Variants in LRRC37A2 observed in about 807,000 individuals in gnomAD.
LRRC37A2 encodes leucine rich repeat containing 37 member A2, also known as leucine-rich repeat-containing protein 37A2.
Under a neutral mutation model 68.8 loss-of-function variants are expected in LRRC37A2, and 9 were observed. The observed-to-expected ratio is 0.13, with a 90% confidence interval of 0.08 to 0.23. The LOEUF is 0.23. Among genes scored for constraint, LRRC37A2 ranks in the 10% least tolerant of loss-of-function variants. The probability of loss-of-function intolerance (pLI) is 1.00; values close to 1 mark genes in which losing one functional copy is unlikely to be tolerated. For synonymous variants in LRRC37A2, 63 were observed against 367.6 expected (o/e 0.17, Z 9.48); for missense variants, 168 against 950.4 (o/e 0.18, Z 10.82).
chr17:46,861,226 C>CA, the LRRC37A2 span, among the ~76,000 whole-genome samples: 7 of 152,242 alleles, frequency 4.6e-5, no homozygotes, highest in Non-Finnish European at 7.3e-5. Flanking sequence ...CTGTGTGTCT[C>CA]AAACTCTTGG....
At chr17:46,540,704 A>G (rs2055160433) in intron 7 of LRRC37A2, 103 bp from the exon 7 acceptor site, 1 of 1,330,370 alleles carries the variant, frequency 7.5e-7, no homozygotes, top group South Asian at 1.3e-5. Flanking sequence ...CAGCAAATAA[A>G]GTCTTGAGCT....
the LRRC37A2 span, among the ~76,000 whole-genome samples, chr17:46,826,776 C>G: frequency 7.5e-6 from 1 of 133,770 alleles, no homozygotes; most frequent in Non-Finnish European, 1.6e-5. Flanking sequence ...TGGCAATCAG[C>G]TGCTCTTTTT....
chr17:46,882,118 T>C, the LRRC37A2 span, among the ~76,000 whole-genome samples: 1 of 152,194 alleles, frequency 6.6e-6, no homozygotes, highest in Non-Finnish European at 1.5e-5. Context: ...ATTGCACCAC[T>C]GCCTTCCAGC....
At chr17:46,768,418 C>G in the LRRC37A2 span, 2 of 1,614,026 alleles carry the variant, frequency 1.2e-6, no homozygotes, top group Middle Eastern at 1.6e-4. The surrounding 1 kb of genome is among the most constrained non-coding windows in gnomAD (Gnocchi z 5.0). Context: ...TTCCGCTTCT[C>G]CGTCCTCGTG....
chr17:46,734,990 G>A, the LRRC37A2 span, among the ~76,000 whole-genome samples: 6 of 152,136 alleles, frequency 3.9e-5, no homozygotes, highest in East Asian at 5.8e-4. Context: ...GTTCAAGACC[G>A]CAGGAAGCTG....
At chr17:47,020,508 G>C in the LRRC37A2 span, among the ~76,000 whole-genome samples, 2 of 151,108 alleles carry the variant, frequency 1.3e-5, no homozygotes, top group Admixed American at 6.6e-5. Context: ...GGCTGGGTGT[G>C]GTGGCTCACG....
At chr17:46,781,189 G>A in the LRRC37A2 span, among the ~76,000 whole-genome samples, 1 of 150,876 alleles carries the variant, frequency 6.6e-6, no homozygotes, top group Non-Finnish European at 1.5e-5. Flanking sequence ...TTGCGCCACT[G>A]CACTCCAGCT....
chr17:46,979,276 TC>T, the LRRC37A2 span: 1 of 294,148 alleles, frequency 3.4e-6, no homozygotes. Context: ...CCCGCTGGGT[TC>T]CTCGCGCGCC....
chr17:46,946,000 T>A, the LRRC37A2 span, among the ~76,000 whole-genome samples: 4 of 152,150 alleles, frequency 2.6e-5, no homozygotes, highest in Non-Finnish European at 5.9e-5. Flanking sequence ...CAGCCTCTCT[T>A]ACCTCAATCC....
chr17:46,822,622 C>T, the LRRC37A2 span, among the ~76,000 whole-genome samples: 2 of 152,218 alleles, frequency 1.3e-5, no homozygotes, highest in Admixed American at 1.3e-4. Flanking sequence ...GTGAGCAGCC[C>T]GGATTTCGGA....
the LRRC37A2 span, among the ~76,000 whole-genome samples, chr17:46,988,638 C>T: frequency 2.0e-5 from 3 of 152,018 alleles, no homozygotes; most frequent in Non-Finnish European, 4.4e-5. Context: ...GCGGAGTGGT[C>T]AGGCCAAGGT....
chr17:46,817,840 A>AC, the LRRC37A2 span, among the ~76,000 whole-genome samples: 1 of 150,890 alleles, frequency 6.6e-6, no homozygotes, highest in Non-Finnish European at 1.5e-5. Flanking sequence ...TTTTCAAGGA[A>AC]CCCCCCTTTT....
chr17:46,763,937 G>C, the LRRC37A2 span: 1 of 151,860 alleles, frequency 6.6e-6, no homozygotes, highest in Non-Finnish European at 1.5e-5. Flanking sequence ...GTGCAGAACA[G>C]GGTTATAGAG....
chr17:46,830,685 C>T, the LRRC37A2 span: 1 of 398,588 alleles, frequency 2.5e-6, no homozygotes. Context: ...AAAGGTTGGA[C>T]TTTTGGGAGC....
the LRRC37A2 span, among the ~76,000 whole-genome samples, chr17:46,820,318 G>A: frequency 5.1e-3 from 781 of 152,300 alleles, 9 homozygotes; most frequent in African/African-American, 0.018. Context: ...TGGACTGGAG[G>A]GGGTGGGAGG....
chr17:46,944,241 A>G, the LRRC37A2 span, among the ~76,000 whole-genome samples: 1 of 152,216 alleles, frequency 6.6e-6, no homozygotes, highest in Admixed American at 6.5e-5. Flanking sequence ...AGTTGGAGAC[A>G]AGCAGCCCTC....
chr17:46,936,440 G>A, the LRRC37A2 span: 1 of 985,342 alleles, frequency 1.0e-6, no homozygotes, highest in South Asian at 4.7e-5. Context: ...AGGTGGCTGG[G>A]GGTTGAGACT....
chr17:46,503,030 G>A, the LRRC37A2 span, among the ~76,000 whole-genome samples: 1 of 150,670 alleles, frequency 6.6e-6, no homozygotes, highest in Non-Finnish European at 1.5e-5. Context: ...GGCTAACACG[G>A]TGAAACCCCA....
chr17:46,778,119 C>T, the LRRC37A2 span, among the ~76,000 whole-genome samples: 2 of 152,192 alleles, frequency 1.3e-5, no homozygotes, highest in East Asian at 1.9e-4. Flanking sequence ...GCTATGGTTA[C>T]GGTGTGTGTG....
Sources: gnomAD v4.1 joint callset for allele counts (sites outside exome capture counted in the v4.1 genomes callset) on GRCh38, gnomAD v4.1.1 for gene constraint, Gnocchi (gnomAD v3.1) non-coding constraint, MANE v1.5 for transcripts, NCBI Gene and HGNC (gene_info 2026-07-23, HGNC 2026-07-21) for gene names.